ADGRF5: variants seen among roughly 807,000 people sequenced by gnomAD.
ADGRF5 encodes the protein G-protein coupled receptor 116.
In ADGRF5, 75 loss-of-function variants were observed where a neutral mutation model predicts 132.3. The observed-to-expected ratio is 0.57, with a 90% CI of 0.47 to 0.69. ADGRF5 has a LOEUF of 0.69. Ranked by LOEUF, ADGRF5 falls within the 30% of genes least tolerant of loss-of-function variation. ADGRF5 has a pLI of 0.00. For missense variants in ADGRF5, 1,516 were observed against 1,630.6 expected, an observed-to-expected ratio of 0.93 and a Z score of 1.21; for synonymous variants, 629 against 597.6, an observed-to-expected ratio of 1.05 and a Z score of -0.77.
At chr6:46,907,383 T>A (rs1775494672) in intron 1 of ADGRF5, among the ~76,000 whole-genome samples, 1 of 152,132 alleles carries the variant, frequency 6.6e-6, no homozygotes, top group Non-Finnish European at 1.5e-5. Context: ...ATTTTTTTTA[T>A]TTTTTGAGAC....
At position 46,853,855 on chromosome 6, in the gene ADGRF5, C is replaced by A. The variant is rs1453769104; in HGVS notation, c.*137G>T. ...CTGTCTTTACAAAAGAAAGCCTCTTCTCTATGAAAAAGTCTTTTTGGCATC... is the reference window on the plus strand; with the variant it reads ...CTGTCTTTACAAAAGAAAGCCTCTTATCTATGAAAAAGTCTTTTTGGCATC... On this transcript the variant is annotated 3_prime_UTR_variant, in exon 21 of 21. Coordinates refer to ENST00000283296, the MANE Select transcript of ADGRF5 (RefSeq NM_001098518.2). 4.8e-6 allele frequency: 3 copies of A among 628,648 alleles called. No homozygotes were observed. Among genetic ancestry groups the A allele is most frequent in the Non-Finnish European group, 5.7e-6 (2 of 353,764 alleles). The allele number at this position is 628,648 out of a possible 1,614,324, so 38.9% of individuals were successfully genotyped here.
intron 20 of ADGRF5, 140 bp from the exon 21 acceptor site, chr6:46,854,211 G>T: frequency 1.8e-6 from 1 of 568,008 alleles, no homozygotes; most frequent in East Asian, 3.1e-5. Flanking sequence ...ACCCATACCT[G>T]CCCTCCTCCC....
At chr6:46,861,817 G>A (rs660430) in intron 15 of ADGRF5, among the ~76,000 whole-genome samples, 64,324 of 152,030 alleles carry the variant, frequency 0.42, 16,211 homozygotes, top group Non-Finnish European at 0.56. Flanking sequence ...ATGTATGTAG[G>A]TATCTAGAAT....
At chr6:46,877,100 CTG>C (rs1771740819) in intron 10 of ADGRF5, among the ~76,000 whole-genome samples, 1 of 152,216 alleles carries the variant, frequency 6.6e-6, no homozygotes, top group South Asian at 2.1e-4. Flanking sequence ...AGGTAAAACA[CTG>C]TTCAAACTCT....
At chr6:46,953,344 GGGC>G (rs1778568668) in intron 1 of ADGRF5, among the ~76,000 whole-genome samples, 1 of 151,936 alleles carries the variant, frequency 6.6e-6, no homozygotes, top group Non-Finnish European at 1.5e-5. Flanking sequence ...CACTGAGGTC[GGGC>G]ACCATGGCTC....
chr6:46,946,884 C>T lies in ADGRF5; in HGVS notation c.-25+7850G>A, dbSNP rs371329612. Among the ~76,000 whole-genome samples, 116 of 152,256 alleles carry T rather than the reference C, an allele frequency of 7.6e-4. 1 individual carries two copies. The South Asian group carries it at 0.013, about 17-fold the overall frequency. On this transcript the variant is annotated intron_variant, in intron 1 of 20. Coordinates refer to the ADGRF5 transcript ENST00000265417. ...TCGCTAGTGCTTGGAGATTTAAGGA[C>T]GGTGAAGACACCATAAAGATGTCTC...
At chr6:46,888,091 CA>C (rs1773239504) in intron 4 of ADGRF5, 3 of 377,234 alleles carry the variant, frequency 8.0e-6, no homozygotes, top group Non-Finnish European at 1.4e-5. Flanking sequence ...CACTTTATGA[CA>C]AGCATCATAC....
intron 1 of ADGRF5, among the ~76,000 whole-genome samples, chr6:46,940,655 C>T (rs1179977809): frequency 1.2e-4 from 19 of 152,176 alleles, no homozygotes; most frequent in African/African-American, 4.8e-5. Flanking sequence ...AAGAGGCAAA[C>T]GCTTGACTCA....
intron 1 of ADGRF5, among the ~76,000 whole-genome samples, chr6:46,913,271 G>A (rs220713): frequency 0.36 from 54,640 of 151,994 alleles, 12,048 homozygotes; most frequent in East Asian, 0.48. Flanking sequence ...GCCAAGGGGG[G>A]CGGATCACCA....
Position 46,874,664 on chromosome 6 carries a change from C to A in ADGRF5, c.1241-2651G>T, listed in dbSNP as rs180963872. Among the ~76,000 whole-genome samples, 1,289 of 152,246 alleles carry A rather than the reference C, an allele frequency of 8.5e-3. 20 individuals carry two copies. The highest frequency in any genetic ancestry group is 0.028 in the African/African-American group (1,169 of 41,550). ...TGGGTTGTGTGTGAGTAAATCCATACTCCTTGGAAAACTTGGCATTCCATC... is the reference window on the plus strand; with the variant it reads ...TGGGTTGTGTGTGAGTAAATCCATAATCCTTGGAAAACTTGGCATTCCATC... On this transcript the variant is annotated intron_variant, in intron 10 of 20. Coordinates refer to ENST00000283296, the MANE Select transcript of ADGRF5 (RefSeq NM_001098518.2).
chr6:46,862,900 G>C lies in ADGRF5; in HGVS notation c.2187C>G (p.Leu729=), dbSNP rs2273266. The change falls in exon 15 of 21, where the codon CTC becomes CTG. Residue 729 remains leucine, a synonymous_variant. Coordinates refer to ENST00000283296, the MANE Select transcript of ADGRF5 (RefSeq NM_001098518.2). ...CTTTAAGGATCACCTTAGCCATCTGGAGCAGACTGTTTATTGGGGCAGAGA... is the reference window on the plus strand; with the variant it reads ...CTTTAAGGATCACCTTAGCCATCTGCAGCAGACTGTTTATTGGGGCAGAGA... ...DCISAPINSL[L]QMAKALIKSP... 411 of 1,609,458 alleles carry C rather than the reference G, an allele frequency of 2.6e-4. 3 individuals are homozygous for C. In the East Asian group the frequency reaches 9.0e-3, roughly 35 times the overall value.
intron 13 of ADGRF5, among the ~76,000 whole-genome samples, chr6:46,865,652 C>G (rs184304500): frequency 4.5e-4 from 68 of 152,326 alleles, no homozygotes; most frequent in Admixed American, 1.8e-3. Flanking sequence ...ATAGAAAGCA[C>G]TGAATGTATG....
intron 3 of ADGRF5, among the ~76,000 whole-genome samples, chr6:46,889,469 A>G (rs1357869506): frequency 6.8e-6 from 1 of 146,738 alleles, no homozygotes; most frequent in Non-Finnish European, 1.5e-5. Context: ...GTCTATATAT[A>G]GTATGCTATA....
chr6:46,867,046 G>A lies in ADGRF5; in HGVS notation c.1713C>T (p.Ile571=). The change falls in exon 13 of 21, where the codon ATC becomes ATT. Residue 571 remains isoleucine (I), a synonymous_variant. Coordinates refer to ENST00000283296, the MANE Select transcript of ADGRF5 (RefSeq NM_001098518.2). ...CAGTAGCTTCCAAAGGATCAACCAT[G>A]ATGTTCAGCTTTAGAGGCAGCGGGT... The part of the protein sequence containing the change: ...IVHPLPLKLN[I]MVDPLEATVS... 6.2e-7 allele frequency: 1 copy of A among 1,613,504 alleles called. No homozygotes were observed.
chr6:46,882,655 A>G (rs1394750829), intron 6 of ADGRF5, among the ~76,000 whole-genome samples: 1 of 152,240 alleles, frequency 6.6e-6, no homozygotes, highest in East Asian at 1.9e-4. Context: ...TTGGTGTGCC[A>G]GGTACCTAGG....
Position 46,867,020 on chromosome 6 carries a change from A to G in ADGRF5, c.1739T>C (p.Val580Ala). ...GATGTGATGGGAACCACTGCATGAA[A>G]CAGTAGCTTCCAAAGGATCAACCAT... ...NIMVDPLEAT[V>A]SCSGSHHIKC... The change falls in exon 13 of 21, where the codon GTT becomes GCT. Residue 580 changes from valine (V) to alanine (A), a missense_variant. Transcript: ENST00000283296. 6.2e-7 allele frequency: 1 copy of G among 1,613,826 alleles called. No homozygotes were observed.
At chr6:46,937,510 T>A (rs1162016328) in intron 1 of ADGRF5, among the ~76,000 whole-genome samples, 1 of 152,116 alleles carries the variant, frequency 6.6e-6, no homozygotes, top group Non-Finnish European at 1.5e-5. Context: ...AACACAGTGG[T>A]CCCTGATTAT....
At chr6:46,925,763 T>A (rs1777216387), upstream of ADGRF5, among the ~76,000 whole-genome samples, 1 of 152,144 alleles carries the variant, frequency 6.6e-6, no homozygotes, top group Non-Finnish European at 1.5e-5. Context: ...GTTGCCTGCT[T>A]AACTGACTCA....
At chr6:46,915,473 T>G (rs941346241) in intron 1 of ADGRF5, among the ~76,000 whole-genome samples, 16 of 152,048 alleles carry the variant, frequency 1.1e-4, no homozygotes, top group South Asian at 4.2e-4. Context: ...GGGGAGGCAC[T>G]CCAGGGGCTG....
Sources: allele counts gnomAD v4.1 joint callset (sites outside exome capture counted in the v4.1 genomes callset), GRCh38; gene constraint gnomAD v4.1.1; transcripts MANE v1.5; gene names NCBI Gene and HGNC (gene_info 2026-07-23, HGNC 2026-07-21).